SPMIP2: variants seen among roughly 807,000 people sequenced by gnomAD.
SPMIP2 encodes the protein sperm microtubule inner protein 2, also known as protein SPMIP2.
At chr4:158,922,975 A>G in the SPMIP2 span, among the ~76,000 whole-genome samples, 1 of 152,232 alleles carries the variant, frequency 6.6e-6, no homozygotes, top group Admixed American at 6.5e-5. Context: ...CATATTCATC[A>G]CTTGGTGGAT....
the SPMIP2 span, among the ~76,000 whole-genome samples, chr4:158,979,398 A>G: frequency 6.6e-6 from 1 of 152,164 alleles, no homozygotes; most frequent in Non-Finnish European, 1.5e-5. Flanking sequence ...CCACTGGGGT[A>G]CGAAAAACAA....
the SPMIP2 span, among the ~76,000 whole-genome samples, chr4:158,972,548 G>A: frequency 0.27 from 40,786 of 152,028 alleles, 6,213 homozygotes; most frequent in Middle Eastern, 0.34. Flanking sequence ...TTCTGTTTCA[G>A]GGGAGACACC....
At chr4:159,036,144 A>G in the SPMIP2 span, among the ~76,000 whole-genome samples, 5 of 152,220 alleles carry the variant, frequency 3.3e-5, no homozygotes, top group Non-Finnish European at 7.3e-5. Flanking sequence ...TGTATTCAAC[A>G]TTAAATATAT....
the SPMIP2 span, among the ~76,000 whole-genome samples, chr4:158,975,705 G>A: frequency 6.6e-6 from 1 of 152,098 alleles, no homozygotes; most frequent in Admixed American, 6.6e-5. Context: ...ATGTAGCCTT[G>A]TACTATAGTT....
the SPMIP2 span, among the ~76,000 whole-genome samples, chr4:158,919,046 G>C: frequency 6.6e-6 from 1 of 152,154 alleles, no homozygotes; most frequent in East Asian, 1.9e-4. Flanking sequence ...TGGAAGCACA[G>C]TACAAAATCT....
the SPMIP2 span, among the ~76,000 whole-genome samples, chr4:158,960,642 T>C: frequency 6.6e-6 from 1 of 152,156 alleles, no homozygotes; most frequent in Non-Finnish European, 1.5e-5. Context: ...TCCAGCTTTA[T>C]GATTCTATGT....
the SPMIP2 span, chr4:159,026,460 G>A: frequency 2.4e-6 from 2 of 836,054 alleles, no homozygotes; most frequent in Non-Finnish European, 4.0e-6. Flanking sequence ...TGAAAGATGG[G>A]AAATTCATGG....
chr4:159,042,787 C>G, the SPMIP2 span, among the ~76,000 whole-genome samples: 1 of 152,012 alleles, frequency 6.6e-6, no homozygotes, highest in East Asian at 1.9e-4. Flanking sequence ...CTCAGCCTCC[C>G]GAGTAGCTGG....
the SPMIP2 span, chr4:158,960,175 A>T: frequency 1.5e-6 from 1 of 663,568 alleles, no homozygotes; most frequent in Non-Finnish European, 2.6e-6. Context: ...AAAAACCTAC[A>T]TGAAATAAAA....
chr4:158,927,313 CTT>C, the SPMIP2 span, among the ~76,000 whole-genome samples: 1 of 152,176 alleles, frequency 6.6e-6, no homozygotes, highest in Non-Finnish European at 1.5e-5. Flanking sequence ...CATTCTAACT[CTT>C]TGATTACTAC....
chr4:158,904,414 C>T, the SPMIP2 span: 2 of 1,427,304 alleles, frequency 1.4e-6, no homozygotes, highest in Non-Finnish European at 9.8e-7. Context: ...AATACTTTCT[C>T]ATAAAACCAT....
chr4:158,943,384 T>C, the SPMIP2 span, among the ~76,000 whole-genome samples: 1 of 152,222 alleles, frequency 6.6e-6, no homozygotes, highest in African/African-American at 2.4e-5. Flanking sequence ...ACCTTGCTGA[T>C]ACAAACACCT....
the SPMIP2 span, among the ~76,000 whole-genome samples, chr4:158,924,536 T>C: frequency 1.7e-4 from 26 of 152,252 alleles, no homozygotes; most frequent in East Asian, 1.4e-3. Flanking sequence ...CCCACCACCA[T>C]GCCTGGCTAA....
the SPMIP2 span, among the ~76,000 whole-genome samples, chr4:158,970,739 T>C: frequency 1.3e-5 from 2 of 152,054 alleles, no homozygotes; most frequent in Non-Finnish European, 1.5e-5. Flanking sequence ...TCTAAAGCTC[T>C]AAGTCCAAGG....
the SPMIP2 span, chr4:159,007,489 G>A: frequency 1.0e-2 from 7,447 of 746,316 alleles, 327 homozygotes; most frequent in African/African-American, 0.1. Context: ...TGATCACAGG[G>A]ATCCAGCACC....
chr4:158,946,250 T>C, the SPMIP2 span, among the ~76,000 whole-genome samples: 1 of 152,264 alleles, frequency 6.6e-6, no homozygotes, highest in African/African-American at 2.4e-5. Flanking sequence ...GTACAGTCTC[T>C]TGAGCTAGCT....
At chr4:158,994,387 A>G in the SPMIP2 span, among the ~76,000 whole-genome samples, 1 of 152,234 alleles carries the variant, frequency 6.6e-6, no homozygotes, top group Non-Finnish European at 1.5e-5. Context: ...ACTGCCTTAA[A>G]ACCCTCCTAT....
chr4:159,045,138 G>T, the SPMIP2 span, among the ~76,000 whole-genome samples: 1 of 151,738 alleles, frequency 6.6e-6, no homozygotes, highest in South Asian at 2.1e-4. Flanking sequence ...CAGAAGTCTG[G>T]AAAGTTGAGG....
chr4:158,957,628 T>C, the SPMIP2 span, among the ~76,000 whole-genome samples: 4 of 152,182 alleles, frequency 2.6e-5, no homozygotes, highest in African/African-American at 9.7e-5. Flanking sequence ...GGTTTCACCA[T>C]GTTGCCAGGC....
Sources: gnomAD v4.1 joint callset for allele counts (sites outside exome capture counted in the v4.1 genomes callset) on GRCh38, gnomAD v4.1.1 for gene constraint, MANE v1.5 for transcripts, NCBI Gene and HGNC (gene_info 2026-07-23, HGNC 2026-07-21) for gene names.